Variants in FGFR3 observed in about 807,000 individuals in gnomAD.
FGFR3 encodes fibroblast growth factor receptor 3, also known as FGFR-3.
In FGFR3, 25 loss-of-function variants were observed where a neutral mutation model predicts 82.9. The ratio of observed to expected loss-of-function variants is 0.30; its 90% CI spans 0.22 to 0.42. The LOEUF is 0.42. FGFR3 is among the 10% of genes least tolerant of loss of function. The pLI, the probability that FGFR3 is intolerant of heterozygous loss-of-function variation, is 1.00. For synonymous variants in FGFR3, 620 were observed against 516.0 expected (o/e 1.20, Z -2.73); for missense variants, 1,026 against 1,161.0 (o/e 0.88, Z 1.69).
intron 2 of FGFR3, among the ~76,000 whole-genome samples, chr4:1,798,744 G>A (rs891771547): frequency 7.2e-5 from 11 of 152,126 alleles, no homozygotes; most frequent in Admixed American, 7.2e-4. Context: ...GGGTGAATCT[G>A]CACCACGAGG....
At chr4:1,799,914 A>G (rs1321792890) in intron 4 of FGFR3, 102 bp downstream of exon 4, 4 of 1,349,824 alleles carry the variant, frequency 3.0e-6, no homozygotes, top group South Asian at 2.6e-5. Context: ...CCCCGGAACA[A>G]CCTCCCTGGG....
chr4:1,802,349 G>A (rs1026447589), intron 7 of FGFR3, among the ~76,000 whole-genome samples: 2 of 152,204 alleles, frequency 1.3e-5, no homozygotes. Flanking sequence ...GTGTGGCCAA[G>A]CCCTCCAGGC....
Position 1,801,759 on chromosome 4 carries a change from C to T in FGFR3, c.739+16C>T, listed in dbSNP as rs757999433. 67 of 1,383,758 alleles carry T rather than the reference C, an allele frequency of 4.8e-5. No individual in the cohort carries two copies. Among genetic ancestry groups the T allele is most frequent in the Admixed American group, 1.6e-4 (9 of 54,720 alleles). 85.7% of individuals were successfully genotyped at this position (1,383,758 alleles called of 1,614,324 possible). On this transcript the variant is annotated intron_variant, in intron 6 of 17. Transcript: ENST00000440486. ...GACGTGCTGGGTGAGGGCCCTGGGG[C>T]GGCGCGGGGGTGGGGGCGGCAGTGG...
rs1486742589 is a variant in FGFR3, at chr4:1,807,633, T to C, written c.*371T>C. On this transcript the variant is annotated 3_prime_UTR_variant, in exon 18 of 18. Transcript: ENST00000440486. ...CCCGACATGGCTCCGGCCTCTGCCT[T>C]TGCACCACGGGACATCACAGGGTGG... 1 of 644,326 alleles carries C rather than the reference T, an allele frequency of 1.6e-6. No homozygotes were observed. The highest frequency in any genetic ancestry group is 2.9e-6 in the Non-Finnish European group (1 of 340,016). 39.9% of individuals were successfully genotyped at this position (644,326 alleles called of 1,614,324 possible).
At chr4:1,803,566 G>A in intron 7 of FGFR3, 126 bp from the exon 8 acceptor site, 1 of 1,481,334 alleles carries the variant, frequency 6.8e-7, no homozygotes, top group East Asian at 2.5e-5. Context: ...GACCAAGTTG[G>A]CGGTGGCTGA....
At chr4:1,802,802 G>C (rs1721356523) in intron 7 of FGFR3, 13 of 1,361,608 alleles carry the variant, frequency 9.5e-6, no homozygotes, top group Non-Finnish European at 1.3e-5. Context: ...GCAGCCTTTG[G>C]GGCTGACGCA....
chr4:1,804,556 G>C (rs1467362643), intron 9 of FGFR3, 36 bp downstream of exon 9: 1 of 1,607,606 alleles, frequency 6.2e-7, no homozygotes, highest in Non-Finnish European at 8.5e-7. Flanking sequence ...TGAGCTGCCT[G>C]CCCGCCAGGC....
chr4:1,803,880 A>G, intron 8 of FGFR3, 44 bp downstream of exon 8: 1 of 1,598,448 alleles, frequency 6.3e-7, no homozygotes, highest in East Asian at 2.2e-5. Flanking sequence ...TGTCTGGGGG[A>G]CGCTGGCTCG....
Position 1,805,875 on chromosome 4 carries a change from T to A in FGFR3, c.1771T>A (p.Phe591Ile), listed in dbSNP as rs746774947. ...TCKPPEEQLT[F>I]KDLVSCAYQV... is the part of the protein sequence containing the mutation. ...CAAGCCGCCCGAGGAGCAGCTCACCTTCAAGGACCTGGTGTCCTGTGCCTA... is the reference window on the plus strand; with the variant it reads ...CAAGCCGCCCGAGGAGCAGCTCACCATCAAGGACCTGGTGTCCTGTGCCTA... Residue 591 changes from phenylalanine (F) to isoleucine (I), a missense_variant, in exon 13 of 18, where the codon TTC becomes ATC. Around this residue, in one of 9 missense-constraint regions of FGFR3, gnomAD observed 164 missense variants for 167.5 expected, o/e 0.98. Coordinates refer to ENST00000440486, the MANE Select transcript of FGFR3 (RefSeq NM_000142.5). 6.2e-7 allele frequency: 1 copy of A among 1,612,800 alleles called. No individual in the cohort carries two copies. The highest frequency in any genetic ancestry group is 1.1e-5 in the South Asian group (1 of 91,048).
intron 15 of FGFR3, 37 bp from the exon 16 acceptor site, chr4:1,806,509 G>A (rs2108810913): frequency 6.2e-7 from 1 of 1,612,702 alleles, no homozygotes; most frequent in East Asian, 2.2e-5. Context: ...TCTGTCCTGG[G>A]AGTCTCAGGA....
chr4:1,796,027 T>TA (rs1410509111), intron 2 of FGFR3, among the ~76,000 whole-genome samples: 1 of 152,194 alleles, frequency 6.6e-6, no homozygotes, highest in African/African-American at 2.4e-5. Context: ...CACCCCTTGT[T>TA]ACAGCTGAGC....
At chr4:1,800,442 G>T (rs1403786194) in intron 4 of FGFR3, among the ~76,000 whole-genome samples, 1 of 152,096 alleles carries the variant, frequency 6.6e-6, no homozygotes, top group Admixed American at 6.5e-5. Flanking sequence ...GACATGGGGG[G>T]CAGTTACGAC....
chr4:1,802,819 C>G, intron 7 of FGFR3: 2 of 1,435,396 alleles, frequency 1.4e-6, no homozygotes, highest in African/African-American at 1.5e-5. Flanking sequence ...CGCAGCCCAG[C>G]CTCGATCTGT....
At chr4:1,795,668 C>T (rs1486168320) in intron 2 of FGFR3, among the ~76,000 whole-genome samples, 4 of 152,202 alleles carry the variant, frequency 2.6e-5, no homozygotes, top group Non-Finnish European at 1.5e-5. Context: ...CCCTGGCCAC[C>T]CCAGGCCCTG....
At chr4:1,795,957 T>TA (rs1397389610) in intron 2 of FGFR3, among the ~76,000 whole-genome samples, 1 of 152,130 alleles carries the variant, frequency 6.6e-6, no homozygotes, top group Non-Finnish European at 1.5e-5. Flanking sequence ...AACCCCTTGT[T>TA]ACCCACCCCC....
chr4:1,803,040 C>T lies in FGFR3; in HGVS notation c.931-652C>T, dbSNP rs766336805. ...AGGCGTGGCCGAGAAGGCCTTTTGG[C>T]TGAGCGTTCACGGGCCCCGAGCAGG... On this transcript the variant is annotated intron_variant, in intron 7 of 17. Coordinates refer to ENST00000440486, the MANE Select transcript of FGFR3 (RefSeq NM_000142.5). 2.5e-6 allele frequency: 4 copies of T among 1,599,584 alleles called. No homozygotes were observed. In the Admixed American group the frequency reaches 5.1e-5, roughly 20 times the overall value.
chr4:1,801,827 C>T lies in FGFR3; in HGVS notation c.740-8C>T, dbSNP rs1366462705. ...GGGGTGGCCCCTGAGCGTCATCTGC[C>T]CCCACAGAGCGCTCCCCGCACCGGC... is the stretch of plus-strand genomic sequence containing the variant. On this transcript the variant is annotated splice_region_variant and splice_polypyrimidine_tract_variant and intron_variant, in intron 6 of 17. Coordinates refer to ENST00000440486, the MANE Select transcript of FGFR3 (RefSeq NM_000142.5). 4 of 1,604,382 alleles carry T rather than the reference C, an allele frequency of 2.5e-6. No homozygotes were observed. Among genetic ancestry groups the T allele is most frequent in the South Asian group, 2.2e-5 (2 of 90,656 alleles).
chr4:1,804,634 C>G, intron 9 of FGFR3, 114 bp downstream of exon 9: 1 of 1,470,408 alleles, frequency 6.8e-7, no homozygotes, highest in Non-Finnish European at 9.4e-7. Context: ...GCCAGGCGGG[C>G]TCCCCTCTCC....
In FGFR3 at chr4:1,799,828, A is replaced by G. The variant is rs185159584; in HGVS notation, c.445+16A>G. The G allele has an allele frequency of 3.7e-6, 6 of 1,612,276 alleles. No individual in the cohort carries two copies. The East Asian group carries it at 1.3e-4, about 36-fold the overall frequency. On this transcript the variant is annotated intron_variant, in intron 4 of 17. Transcript: ENST00000440486. ...GTGGACACAGGTAGGAGCAGGGTCC[A>G]GGGTTCAGGCCAGCCGGGGTGGGGC... is the stretch of plus-strand genomic sequence containing the variant.
Sources: allele counts gnomAD v4.1 joint callset (sites outside exome capture counted in the v4.1 genomes callset), GRCh38; gene constraint gnomAD v4.1.1; regional missense constraint gnomAD v4.1.1; transcripts MANE v1.5; gene names NCBI Gene and HGNC (gene_info 2026-07-23, HGNC 2026-07-21).